Variants in SNX7 observed in about 807,000 individuals in gnomAD.
SNX7 encodes sorting nexin 7, also known as sorting nexin-7.
In SNX7, 35 loss-of-function variants were observed where a neutral mutation model predicts 48.4. The observed-to-expected ratio is 0.72, with a 90% CI of 0.55 to 0.96. The LOEUF (loss-of-function observed/expected upper bound fraction) is 0.96, where lower values mean the gene tolerates loss of function less well. Among genes scored for constraint, SNX7 ranks in the 40% least tolerant of loss-of-function variants. The probability of loss-of-function intolerance (pLI) is 0.00; values close to 1 mark genes in which losing one functional copy is unlikely to be tolerated. For synonymous variants in SNX7, 190 were observed against 190.2 expected (o/e 1.00, Z 0.01); for missense variants, 553 against 548.9 (o/e 1.01, Z -0.07).
intron 1 of SNX7, among the ~76,000 whole-genome samples, chr1:98,680,180 G>T (rs894259357): frequency 4.6e-5 from 7 of 152,186 alleles, no homozygotes; most frequent in Non-Finnish European, 1.0e-4. Context: ...AAGCTGCCAA[G>T]GCTTGAGGCT....
At chr1:98,747,064 G>A (rs1654341841) in intron 8 of SNX7, among the ~76,000 whole-genome samples, 1 of 151,854 alleles carries the variant, frequency 6.6e-6, no homozygotes, top group African/African-American at 2.4e-5. Context: ...TCATATTAAG[G>A]TCCTGTTGTA....
chr1:98,717,926 G>T (rs188003232), intron 7 of SNX7, among the ~76,000 whole-genome samples: 4 of 152,078 alleles, frequency 2.6e-5, no homozygotes, highest in African/African-American at 9.6e-5. Context: ...TGAGAAAAAA[G>T]ACATATATCC....
At chr1:98,739,593 C>T (rs933224558) in intron 8 of SNX7, among the ~76,000 whole-genome samples, 6 of 151,804 alleles carry the variant, frequency 4.0e-5, no homozygotes, top group Non-Finnish European at 7.4e-5. Context: ...GTATAAGGTT[C>T]GGTATAGAAA....
chr1:98,738,184 C>T, intron 7 of SNX7, 53 bp from the exon 8 acceptor site: 1 of 1,564,210 alleles, frequency 6.4e-7, no homozygotes, highest in Non-Finnish European at 8.7e-7. Flanking sequence ...GATGAATTCA[C>T]CTGATGGAAA....
At chr1:98,740,416 A>T (rs1654013722) in intron 8 of SNX7, among the ~76,000 whole-genome samples, 1 of 152,206 alleles carries the variant, frequency 6.6e-6, no homozygotes, top group South Asian at 2.1e-4. Context: ...ATAATTTATA[A>T]GAAAATGCCT....
chr1:98,749,233 G>T (rs1654460199), intron 8 of SNX7, among the ~76,000 whole-genome samples: 1 of 152,032 alleles, frequency 6.6e-6, no homozygotes, highest in Non-Finnish European at 1.5e-5. Context: ...GTATAAAAAT[G>T]AGAGAAATGG....
chr1:98,681,288 C>G (rs909738118), intron 1 of SNX7, among the ~76,000 whole-genome samples: 4 of 152,152 alleles, frequency 2.6e-5, no homozygotes, highest in African/African-American at 9.7e-5. Flanking sequence ...TCCCATGACA[C>G]ATGGGAATCG....
At chr1:98,718,930 C>A (rs1462810511) in intron 7 of SNX7, among the ~76,000 whole-genome samples, 1 of 152,086 alleles carries the variant, frequency 6.6e-6, no homozygotes, top group African/African-American at 2.4e-5. Flanking sequence ...ATTTATTTAA[C>A]CTGACCCCTG....
At chr1:98,725,466 T>C (rs1392073433) in intron 7 of SNX7, among the ~76,000 whole-genome samples, 2 of 152,212 alleles carry the variant, frequency 1.3e-5, no homozygotes, top group Non-Finnish European at 2.9e-5. Flanking sequence ...GGGGGCACTG[T>C]GCCTGGTATG....
At chr1:98,757,339 A>G (rs1654903018) in intron 8 of SNX7, among the ~76,000 whole-genome samples, 1 of 152,056 alleles carries the variant, frequency 6.6e-6, no homozygotes, top group Non-Finnish European at 1.5e-5. Context: ...CTAGAAGTCT[A>G]AGATCAAGGT....
At chr1:98,677,412 G>A (rs528533334) in intron 1 of SNX7, 2 of 152,288 alleles carry the variant, frequency 1.3e-5, no homozygotes, top group Admixed American at 1.3e-4. Context: ...TGGCCTACGT[G>A]GTCAGAGCAG....
chr1:98,690,694 T>C (rs1651071011), intron 2 of SNX7, among the ~76,000 whole-genome samples: 1 of 152,068 alleles, frequency 6.6e-6, no homozygotes. Flanking sequence ...TGAATTCTAA[T>C]CATCTTGAGA....
chr1:98,710,793 AG>A (rs1389220913), intron 7 of SNX7, among the ~76,000 whole-genome samples: 2 of 152,208 alleles, frequency 1.3e-5, no homozygotes, highest in African/African-American at 4.8e-5. Flanking sequence ...ATTAGAAGCC[AG>A]GAGAAGGCTT....
At chr1:98,757,907 T>C (rs1654931685) in intron 8 of SNX7, among the ~76,000 whole-genome samples, 1 of 152,076 alleles carries the variant, frequency 6.6e-6, no homozygotes. Context: ...TGCTCATCTT[T>C]TAGTCTGCAT....
chr1:98,742,134 C>T (rs187553933), intron 8 of SNX7, among the ~76,000 whole-genome samples: 15 of 152,116 alleles, frequency 9.9e-5, no homozygotes, highest in African/African-American at 3.1e-4. Context: ...TGACAGACAG[C>T]TCTGATGTCC....
intron 7 of SNX7, among the ~76,000 whole-genome samples, chr1:98,705,279 G>C (rs1651953693): frequency 6.6e-6 from 1 of 152,154 alleles, no homozygotes; most frequent in African/African-American, 2.4e-5. Flanking sequence ...TTGAAGGTCA[G>C]TTCAGCTGTT....
At chr1:98,699,134 T>C (rs923301136) in intron 6 of SNX7, among the ~76,000 whole-genome samples, 1 of 152,174 alleles carries the variant, frequency 6.6e-6, no homozygotes, top group African/African-American at 2.4e-5. Flanking sequence ...TTTATCAGAT[T>C]ATACGTAGAC....
chr1:98,712,564 C>G (rs1403246314), intron 7 of SNX7, among the ~76,000 whole-genome samples: 4 of 152,124 alleles, frequency 2.6e-5, no homozygotes, highest in Non-Finnish European at 5.9e-5. Context: ...ATACTATAAA[C>G]AGATAACTCT....
At chr1:98,692,226 C>G (rs1651180373) in intron 4 of SNX7, among the ~76,000 whole-genome samples, 1 of 151,970 alleles carries the variant, frequency 6.6e-6, no homozygotes, top group African/African-American at 2.4e-5. Context: ...GTATTATATA[C>G]TGTATTTTTT....
Sources: allele counts gnomAD v4.1 joint callset (sites outside exome capture counted in the v4.1 genomes callset), GRCh38; gene constraint gnomAD v4.1.1; transcripts MANE v1.5; gene names NCBI Gene and HGNC (gene_info 2026-07-23, HGNC 2026-07-21).